GPC5: variants seen among roughly 807,000 people sequenced by gnomAD.
GPC5 encodes the protein glypican-5.
A neutral mutation model predicts 53.9 loss-of-function variants in GPC5; 47 were observed. That is an observed-to-expected ratio of 0.87 (90% CI 0.69 to 1.11). GPC5 has a LOEUF of 1.11. Among genes scored for constraint, GPC5 ranks in the 50% most tolerant of loss-of-function variants. GPC5 has a pLI of 0.00. For missense variants in GPC5, 748 were observed against 713.1 expected (o/e 1.05, Z -0.56); for synonymous variants, 286 against 263.3 (o/e 1.09, Z -0.84).
At chr13:91,422,002 G>A (rs1878670449) in intron 1 of GPC5, among the ~76,000 whole-genome samples, 1 of 152,158 alleles carries the variant, frequency 6.6e-6, no homozygotes, top group African/African-American at 2.4e-5. Flanking sequence ...AATGAAAATG[G>A]GATGGAGCCT....
chr13:92,521,455 G>C (rs1306050561), intron 7 of GPC5, among the ~76,000 whole-genome samples: 3 of 151,994 alleles, frequency 2.0e-5, no homozygotes, highest in Admixed American at 1.3e-4. Flanking sequence ...CAGAACAGAG[G>C]CCTCAGAGAT....
intron 7 of GPC5, among the ~76,000 whole-genome samples, chr13:92,631,864 A>G (rs747932074): frequency 3.9e-5 from 6 of 152,204 alleles, no homozygotes; most frequent in Admixed American, 6.5e-5. Flanking sequence ...GAAAATTAAA[A>G]TTAACATGAG....
intron 7 of GPC5, among the ~76,000 whole-genome samples, chr13:92,257,132 CTG>C (rs2042731794): frequency 6.6e-6 from 1 of 152,052 alleles, no homozygotes; most frequent in Non-Finnish European, 1.5e-5. Flanking sequence ...TTGGCTTAAG[CTG>C]GATATTTAAC....
At chr13:92,131,124 C>T (rs117315886) in intron 6 of GPC5, among the ~76,000 whole-genome samples, 7 of 151,872 alleles carry the variant, frequency 4.6e-5, no homozygotes, top group African/African-American at 9.6e-5. Context: ...CAAATTAAAA[C>T]GGCCTTAAAC....
intron 6 of GPC5, among the ~76,000 whole-genome samples, chr13:92,092,671 T>A (rs1027734821): frequency 2.0e-5 from 3 of 152,176 alleles, no homozygotes; most frequent in South Asian, 4.1e-4. Context: ...TTCTCCAGAA[T>A]TGACTTTATG....
At chr13:91,447,618 C>A (rs948110108) in intron 1 of GPC5, among the ~76,000 whole-genome samples, 3 of 152,030 alleles carry the variant, frequency 2.0e-5, no homozygotes, top group Non-Finnish European at 2.9e-5. Flanking sequence ...AAATTTGAGA[C>A]CTGAGGCCAA....
At chr13:91,703,713 A>C (rs531887265) in intron 3 of GPC5, among the ~76,000 whole-genome samples, 1 of 152,298 alleles carries the variant, frequency 6.6e-6, no homozygotes, top group Admixed American at 6.5e-5. Flanking sequence ...AGAGCTTGAG[A>C]AGGATTGGTG....
At chr13:91,691,789 T>A (rs2035763011) in intron 2 of GPC5, among the ~76,000 whole-genome samples, 1 of 152,166 alleles carries the variant, frequency 6.6e-6, no homozygotes, top group South Asian at 2.1e-4. Context: ...GTTATTCCAT[T>A]TTGTTTTTTC....
At chr13:92,853,724 CA>C (rs1878891044) in intron 7 of GPC5, among the ~76,000 whole-genome samples, 2 of 152,018 alleles carry the variant, frequency 1.3e-5, no homozygotes, top group South Asian at 4.2e-4. Context: ...TCAGGGTTTC[CA>C]TTGTTCAAAT....
chr13:91,799,525 T>G (rs1042689631), intron 5 of GPC5, among the ~76,000 whole-genome samples: 1 of 151,606 alleles, frequency 6.6e-6, no homozygotes, highest in African/African-American at 2.4e-5. Context: ...ATTTCAAAAT[T>G]TATTTACCTC....
chr13:92,149,068 G>A (rs542479922), intron 7 of GPC5, among the ~76,000 whole-genome samples: 2 of 151,104 alleles, frequency 1.3e-5, no homozygotes, highest in Non-Finnish European at 2.9e-5. Flanking sequence ...AGTGGTAATC[G>A]AGGGAAAATG....
chr13:91,436,481 A>G (rs1480492854), intron 1 of GPC5, among the ~76,000 whole-genome samples: 1 of 152,080 alleles, frequency 6.6e-6, no homozygotes, highest in Non-Finnish European at 1.5e-5. Context: ...TTCAGTTTCC[A>G]TGTAGTTGAG....
At chr13:91,736,965 A>ATTTT (rs779902515) in intron 4 of GPC5, among the ~76,000 whole-genome samples, 1 of 149,674 alleles carries the variant, frequency 6.7e-6, no homozygotes, top group Non-Finnish European at 1.5e-5. Flanking sequence ...TATTATTATT[A>ATTTT]TTATTATTTT....
chr13:91,870,225 C>A (rs980395964), intron 5 of GPC5, among the ~76,000 whole-genome samples: 1 of 152,058 alleles, frequency 6.6e-6, no homozygotes, highest in African/African-American at 2.4e-5. Context: ...ATGAAGAACT[C>A]CCTTATGCAC....
chr13:91,765,883 A>T (rs556436587), intron 5 of GPC5, among the ~76,000 whole-genome samples: 2 of 152,326 alleles, frequency 1.3e-5, no homozygotes, highest in African/African-American at 4.8e-5. Flanking sequence ...GGGTCATATT[A>T]TATTTGAAGT....
chr13:92,466,796 G>C (rs1878708216), intron 7 of GPC5, among the ~76,000 whole-genome samples: 1 of 152,016 alleles, frequency 6.6e-6, no homozygotes, highest in African/African-American at 2.4e-5. Flanking sequence ...CTTGCTGTGA[G>C]GTATGGGGTT....
intron 7 of GPC5, among the ~76,000 whole-genome samples, chr13:92,566,305 T>C (rs1037523010): frequency 2.6e-5 from 4 of 152,096 alleles, no homozygotes; most frequent in African/African-American, 9.7e-5. Flanking sequence ...TTCTCATGAG[T>C]AAAAATCAAA....
chr13:91,573,592 C>G (rs757023909), intron 2 of GPC5, among the ~76,000 whole-genome samples: 1 of 152,108 alleles, frequency 6.6e-6, no homozygotes, highest in Admixed American at 6.6e-5. Context: ...AACACTGATA[C>G]CCTTTACTCT....
chr13:91,421,421 G>C (rs1157885818), intron 1 of GPC5, among the ~76,000 whole-genome samples: 1 of 152,000 alleles, frequency 6.6e-6, no homozygotes, highest in Non-Finnish European at 1.5e-5. Flanking sequence ...ATTATGAAGG[G>C]AATAATAATA....
Sources: allele counts gnomAD v4.1 joint callset (sites outside exome capture counted in the v4.1 genomes callset), GRCh38; gene constraint gnomAD v4.1.1; transcripts MANE v1.5; gene names NCBI Gene and HGNC (gene_info 2026-07-23, HGNC 2026-07-21).